CCDC171: variants seen among roughly 807,000 people sequenced by gnomAD.
CCDC171 encodes coiled-coil domain-containing protein 171.
A neutral mutation model predicts 168.2 loss-of-function variants in CCDC171; 177 were observed. The ratio of observed to expected loss-of-function variants is 1.05; its 90% confidence interval spans 0.93 to 1.19. CCDC171 has a LOEUF of 1.19. Ranked by LOEUF, CCDC171 falls within the 50% of genes most tolerant of loss-of-function variation. The pLI is 0.00. For missense variants in CCDC171, 1,991 were observed against 1,539.0 expected (o/e 1.29, Z -4.91); for synonymous variants, 687 against 540.8 (o/e 1.27, Z -3.75).
intron 6 of CCDC171, among the ~76,000 whole-genome samples, chr9:16,032,341 T>G (rs1833377265): frequency 2.0e-5 from 3 of 151,644 alleles, no homozygotes; most frequent in African/African-American, 2.4e-5. Context: ...AAGACAAGAG[T>G]TGAAATAGAC....
chr9:15,567,122 G>T (rs1308156453), intron 2 of CCDC171, among the ~76,000 whole-genome samples: 1 of 150,476 alleles, frequency 6.6e-6, no homozygotes, highest in African/African-American at 2.4e-5. Flanking sequence ...CCCGGGTTCA[G>T]GTGATTCTCC....
At chr9:15,625,631 G>A (rs996229311) in intron 7 of CCDC171, among the ~76,000 whole-genome samples, 16 of 152,020 alleles carry the variant, frequency 1.1e-4, no homozygotes, top group Admixed American at 5.9e-4. Flanking sequence ...GGTTGTAGAT[G>A]TGTGCTAATA....
At chr9:15,911,560 A>G (rs1162722832) in intron 24 of CCDC171, among the ~76,000 whole-genome samples, 17 of 152,112 alleles carry the variant, frequency 1.1e-4, no homozygotes. Context: ...ATTAGACCCC[A>G]TTTGTCAATT....
Position 15,724,921 on chromosome 9 carries a change from C to A in CCDC171, c.1637C>A (p.Ala546Asp), listed in dbSNP as rs1326827334. The change falls in exon 14 of 26, where the codon GCC becomes GAC. Residue 546 changes from alanine to aspartate, a missense_variant. Ala to Asp is a moderately radical substitution (Grantham distance 126). Transcript: ENST00000380701. Reference protein sequence around the residue: ...HCWEKEKAQAAQSESELQKLS... With the variant: ...HCWEKEKAQADQSESELQKLS... ...TGGGAGAAAGAAAAGGCTCAGGCAG[C>A]CCAGTCTGAAAGTGAACTGCAGAAG... is the stretch of plus-strand genomic sequence containing the variant. 2 of 1,613,904 alleles carry A rather than the reference C, an allele frequency of 1.2e-6. No homozygotes were observed. The highest frequency in any genetic ancestry group is 1.7e-6 in the Non-Finnish European group (2 of 1,179,868).
At chr9:15,635,263 G>A (rs1408359646) in intron 7 of CCDC171, among the ~76,000 whole-genome samples, 3 of 152,170 alleles carry the variant, frequency 2.0e-5, no homozygotes, top group African/African-American at 7.2e-5. Context: ...GTCTGTGGTC[G>A]AAGGCCTGAG....
chr9:15,585,264 A>T (rs2041466114), intron 4 of CCDC171, among the ~76,000 whole-genome samples: 1 of 152,180 alleles, frequency 6.6e-6, no homozygotes, highest in Non-Finnish European at 1.5e-5. Flanking sequence ...AGAAAGAAAA[A>T]CTTTTGTCCA....
chr9:15,881,790 A>G (rs1818682047), intron 24 of CCDC171, among the ~76,000 whole-genome samples: 2 of 152,166 alleles, frequency 1.3e-5, no homozygotes, highest in African/African-American at 4.8e-5. Flanking sequence ...GCTGCAAATG[A>G]TAAGATTTCA....
chr9:15,835,713 C>T (rs2060415977), intron 21 of CCDC171, among the ~76,000 whole-genome samples: 1 of 152,184 alleles, frequency 6.6e-6, no homozygotes, highest in South Asian at 2.1e-4. Context: ...AGGCATGAGC[C>T]ACTGCGCCTG....
At chr9:15,729,486 A>C (rs569718043) in intron 15 of CCDC171, 124 bp from the exon 16 acceptor site, 1 of 535,786 alleles carries the variant, frequency 1.9e-6, no homozygotes, top group African/African-American at 1.9e-5. Flanking sequence ...ATTTTATGTT[A>C]AAATTTTTAT....
At chr9:15,707,884 G>T (rs7861004) in intron 11 of CCDC171, among the ~76,000 whole-genome samples, 72,957 of 152,036 alleles carry the variant, frequency 0.48, 17,941 homozygotes, top group East Asian at 0.78. Context: ...GTCTTGCTCT[G>T]TCGCCCAGGC....
At chr9:15,631,700 G>T (rs988764478) in intron 7 of CCDC171, among the ~76,000 whole-genome samples, 7 of 151,982 alleles carry the variant, frequency 4.6e-5, no homozygotes, top group South Asian at 2.1e-4. Context: ...TACGAAAGCC[G>T]GGCAGAGACA....
the CCDC171 span, among the ~76,000 whole-genome samples, chr9:16,089,797 T>A: frequency 6.6e-6 from 1 of 151,386 alleles, no homozygotes; most frequent in African/African-American, 2.4e-5. Flanking sequence ...CTCAAGACAT[T>A]TATGCACTCA....
the CCDC171 span, among the ~76,000 whole-genome samples, chr9:16,105,331 C>G: frequency 9.2e-5 from 14 of 152,274 alleles, no homozygotes; most frequent in Non-Finnish European, 1.9e-4. Context: ...CTGGCACTCC[C>G]TCTATACTGT....
chr9:15,632,303 G>C (rs1463267135), intron 7 of CCDC171, among the ~76,000 whole-genome samples: 4 of 151,708 alleles, frequency 2.6e-5, no homozygotes, highest in Admixed American at 1.3e-4. Context: ...TCCTTAAACT[G>C]ATAAGCAACT....
intron 21 of CCDC171, among the ~76,000 whole-genome samples, chr9:15,814,138 A>G (rs2059467358): frequency 6.6e-6 from 1 of 152,192 alleles, no homozygotes; most frequent in Admixed American, 6.5e-5. Context: ...AATATTGGAA[A>G]ACAAAGCATC....
At chr9:16,076,509 C>T in the CCDC171 span, among the ~76,000 whole-genome samples, 2 of 152,166 alleles carry the variant, frequency 1.3e-5, no homozygotes, top group African/African-American at 2.4e-5. Context: ...ACCTGCAGTC[C>T]AGTTTGGAGC....
chr9:15,720,713 A>G, intron 11 of CCDC171, among the ~76,000 whole-genome samples: 1 of 152,194 alleles, frequency 6.6e-6, no homozygotes, highest in East Asian at 1.9e-4. Context: ...ATTGTACTTT[A>G]AGTTCTAGGG....
intron 18 of CCDC171, among the ~76,000 whole-genome samples, chr9:15,752,181 A>C (rs1352829873): frequency 6.6e-6 from 1 of 152,232 alleles, no homozygotes; most frequent in African/African-American, 2.4e-5. Context: ...CATCAGAGAA[A>C]TGCGAATCAA....
At chr9:15,628,078 C>G (rs1422858184) in intron 7 of CCDC171, among the ~76,000 whole-genome samples, 1 of 152,150 alleles carries the variant, frequency 6.6e-6, no homozygotes, top group Admixed American at 6.5e-5. Context: ...CAGCTGCTGT[C>G]TACAGCTCCC....
Sources: allele counts gnomAD v4.1 joint callset (sites outside exome capture counted in the v4.1 genomes callset), GRCh38; gene constraint gnomAD v4.1.1; transcripts MANE v1.5; gene names NCBI Gene and HGNC (gene_info 2026-07-23, HGNC 2026-07-21).